Variants in SLC35D4 observed in about 807,000 individuals in gnomAD.
SLC35D4 encodes the protein solute carrier family 35 member D4.
chr18:23,333,104 G>A, the SLC35D4 span, among the ~76,000 whole-genome samples: 1 of 152,086 alleles, frequency 6.6e-6, no homozygotes, highest in Non-Finnish European at 1.5e-5. Flanking sequence ...TTCATAAAAA[G>A]CATAAGTATT....
chr18:23,296,884 G>A, the SLC35D4 span: 2 of 151,704 alleles, frequency 1.3e-5, no homozygotes, highest in Non-Finnish European at 2.9e-5. Context: ...AGAATTCAAC[G>A]CAACACACAT....
At chr18:23,379,592 A>G in the SLC35D4 span, among the ~76,000 whole-genome samples, 1 of 152,148 alleles carries the variant, frequency 6.6e-6, no homozygotes, top group Non-Finnish European at 1.5e-5. Context: ...CCTTCCATGG[A>G]GGGGAGTAAA....
the SLC35D4 span, among the ~76,000 whole-genome samples, chr18:23,308,022 G>C: frequency 6.6e-6 from 1 of 152,240 alleles, no homozygotes; most frequent in African/African-American, 2.4e-5. Context: ...TTCTGGGAGG[G>C]AGGCAGACCC....
At chr18:23,422,767 G>T in the SLC35D4 span, among the ~76,000 whole-genome samples, 1 of 151,852 alleles carries the variant, frequency 6.6e-6, no homozygotes, top group Non-Finnish European at 1.5e-5. Flanking sequence ...GAGACACACA[G>T]CCCCCAGCAT....
At chr18:23,250,618 G>A in the SLC35D4 span, among the ~76,000 whole-genome samples, 2 of 152,246 alleles carry the variant, frequency 1.3e-5, no homozygotes, top group Admixed American at 1.3e-4. Flanking sequence ...GACCTTGGCA[G>A]TGAGAGCAGT....
At chr18:23,390,091 C>G in the SLC35D4 span, among the ~76,000 whole-genome samples, 1 of 152,116 alleles carries the variant, frequency 6.6e-6, no homozygotes, top group South Asian at 2.1e-4. Context: ...GACACTGTAC[C>G]ACTTTTATAT....
chr18:23,411,576 G>C, the SLC35D4 span, among the ~76,000 whole-genome samples: 1 of 151,614 alleles, frequency 6.6e-6, no homozygotes, highest in East Asian at 1.9e-4. Flanking sequence ...GGGTCTCCCA[G>C]CAACTCCTAG....
the SLC35D4 span, among the ~76,000 whole-genome samples, chr18:23,274,859 C>T: frequency 6.6e-6 from 1 of 152,234 alleles, no homozygotes; most frequent in Non-Finnish European, 1.5e-5. Flanking sequence ...AGTCCCATCG[C>T]CTCAGGCCTT....
At chr18:23,299,656 G>A in the SLC35D4 span, among the ~76,000 whole-genome samples, 3 of 152,192 alleles carry the variant, frequency 2.0e-5, no homozygotes, top group Non-Finnish European at 2.9e-5. Flanking sequence ...GAGAACAAAT[G>A]TACTCCTTCC....
chr18:23,404,868 C>A, the SLC35D4 span, among the ~76,000 whole-genome samples: 2 of 151,884 alleles, frequency 1.3e-5, no homozygotes, highest in Non-Finnish European at 2.9e-5. Flanking sequence ...TGCCTGTAGT[C>A]CCAGCTACTC....
chr18:23,336,034 T>C, the SLC35D4 span, among the ~76,000 whole-genome samples: 1 of 150,302 alleles, frequency 6.7e-6, no homozygotes, highest in South Asian at 2.1e-4. Context: ...GCATTAAAAA[T>C]AGCTCGGAAA....
At chr18:23,324,249 C>T in the SLC35D4 span, among the ~76,000 whole-genome samples, 50 of 152,112 alleles carry the variant, frequency 3.3e-4, no homozygotes, top group African/African-American at 1.2e-3. Flanking sequence ...CACACGACAC[C>T]CACCCTGCTG....
chr18:23,309,493 T>C, the SLC35D4 span, among the ~76,000 whole-genome samples: 2 of 152,104 alleles, frequency 1.3e-5, no homozygotes, highest in East Asian at 3.8e-4. Context: ...TCTTCCCAAT[T>C]TGTATTTACA....
At chr18:23,397,880 C>G in the SLC35D4 span, among the ~76,000 whole-genome samples, 836 of 152,192 alleles carry the variant, frequency 5.5e-3, 11 homozygotes, top group African/African-American at 0.019. Flanking sequence ...GAGCAAGACC[C>G]CATCTCTAAA....
chr18:23,294,195 A>G, the SLC35D4 span, among the ~76,000 whole-genome samples: 1 of 152,164 alleles, frequency 6.6e-6, no homozygotes, highest in African/African-American at 2.4e-5. Context: ...TTATAGAAAT[A>G]AAAGAAAAAA....
At chr18:23,309,672 A>G in the SLC35D4 span, 1 of 1,613,598 alleles carries the variant, frequency 6.2e-7, no homozygotes. Context: ...TCTATGCAAA[A>G]GACTTACCAT....
the SLC35D4 span, among the ~76,000 whole-genome samples, chr18:23,349,940 A>C: frequency 6.6e-6 from 1 of 152,188 alleles, no homozygotes; most frequent in Non-Finnish European, 1.5e-5. Flanking sequence ...TTCTGAATAA[A>C]TTTAAATAGC....
the SLC35D4 span, among the ~76,000 whole-genome samples, chr18:23,359,271 G>A: frequency 2.0e-5 from 3 of 151,662 alleles, no homozygotes; most frequent in African/African-American, 7.3e-5. Flanking sequence ...TGTAATCCCA[G>A]CTACTCAGGA....
At chr18:23,269,839 G>C in the SLC35D4 span, among the ~76,000 whole-genome samples, 1 of 152,210 alleles carries the variant, frequency 6.6e-6, no homozygotes, top group Non-Finnish European at 1.5e-5. Context: ...GAACTTGAGA[G>C]AGATGATTTA....
Sources: allele counts gnomAD v4.1 joint callset (sites outside exome capture counted in the v4.1 genomes callset), GRCh38; gene constraint gnomAD v4.1.1; transcripts MANE v1.5; gene names NCBI Gene and HGNC (gene_info 2026-07-23, HGNC 2026-07-21).